RPGRIP1: variants seen among roughly 807,000 people sequenced by gnomAD.
The protein encoded by RPGRIP1 is RPGR interacting protein 1, also known as X-linked retinitis pigmentosa GTPase regulator-interacting protein 1.
Under a neutral mutation model 157.9 loss-of-function variants are expected in RPGRIP1, and 128 were observed. The observed-to-expected ratio is 0.81, with a 90% CI of 0.70 to 0.94. The LOEUF (loss-of-function observed/expected upper bound fraction) is 0.94. RPGRIP1 is among the 40% of genes least tolerant of loss of function. The pLI is 0.00. For synonymous variants in RPGRIP1, 554 were observed against 571.6 expected, an observed-to-expected ratio of 0.97 and a Z score of 0.44; for missense variants, 1,486 against 1,545.8, an observed-to-expected ratio of 0.96 and a Z score of 0.65.
intron 1 of RPGRIP1, among the ~76,000 whole-genome samples, chr14:21,283,210 C>T (rs1880192862): frequency 6.6e-6 from 1 of 152,148 alleles, no homozygotes; most frequent in Non-Finnish European, 1.5e-5. Flanking sequence ...GATGCAGTCA[C>T]CTTTCCTTTT....
intron 24 of RPGRIP1, among the ~76,000 whole-genome samples, chr14:21,348,880 C>T (rs1460733256): frequency 2.6e-5 from 4 of 151,822 alleles, no homozygotes; most frequent in East Asian, 1.9e-4. Flanking sequence ...AGACTGGTCT[C>T]GAACTCCTGA....
intron 17 of RPGRIP1, 45 bp from the exon 18 acceptor site, chr14:21,327,578 T>C: frequency 6.5e-7 from 1 of 1,535,552 alleles, no homozygotes; most frequent in East Asian, 2.2e-5. Context: ...GCTCACTTGC[T>C]TATTTCATGT....
intron 23 of RPGRIP1, among the ~76,000 whole-genome samples, chr14:21,346,093 G>A (rs967661922): frequency 1.3e-5 from 2 of 152,174 alleles, no homozygotes; most frequent in African/African-American, 4.8e-5. Flanking sequence ...TTACAGGCGT[G>A]AGTGACCACA....
At chr14:21,326,745 A>C (rs1318994158) in intron 17 of RPGRIP1, among the ~76,000 whole-genome samples, 2 of 152,116 alleles carry the variant, frequency 1.3e-5, no homozygotes, top group Non-Finnish European at 2.9e-5. Context: ...TTAGTGCATG[A>C]CTACATAGAT....
In RPGRIP1 at chr14:21,343,021, C is replaced by T. The variant is rs28664100; in HGVS notation, c.3340-15C>T. 14,683 of 1,604,446 alleles carry T rather than the reference C, an allele frequency of 9.2e-3. 1,170 individuals are homozygous for T. The African/African-American group carries it at 0.17, about 19-fold the overall frequency. On this transcript the variant is annotated splice_polypyrimidine_tract_variant and intron_variant, in intron 21 of 24. Transcript: ENST00000400017. ...CACTAACCTTTAGGAACTAAATAAA[C>T]ATTTTCCTTATCAGGATTCAGAGAA...
intron 3 of RPGRIP1, among the ~76,000 whole-genome samples, 172 bp downstream of exon 3, chr14:21,294,981 T>TTA (rs1880706956): frequency 6.6e-6 from 1 of 151,536 alleles, no homozygotes; most frequent in Non-Finnish European, 1.5e-5. Context: ...GTAGCTGGGA[T>TTA]TATAGGCATG....
At chr14:21,350,127 G>A (rs991581603) in intron 24 of RPGRIP1, among the ~76,000 whole-genome samples, 1 of 152,144 alleles carries the variant, frequency 6.6e-6, no homozygotes, top group South Asian at 2.1e-4. Context: ...TGTAATCCCA[G>A]CACTTTGGGA....
At chr14:21,311,349 C>T (rs577602408) in intron 8 of RPGRIP1, among the ~76,000 whole-genome samples, 19 of 152,206 alleles carry the variant, frequency 1.2e-4, no homozygotes, top group African/African-American at 4.3e-4. Context: ...GTCAGGAGTT[C>T]GAGACCAGCC....
intron 21 of RPGRIP1, among the ~76,000 whole-genome samples, chr14:21,335,071 A>AT (rs1300137371): frequency 1.3e-5 from 2 of 149,606 alleles, no homozygotes; most frequent in Non-Finnish European, 3.0e-5. Context: ...AAAAAAAAAA[A>AT]GCAATAATGA....
Position 21,327,762 on chromosome 14 carries a change from T to G in RPGRIP1, c.2850T>G (p.Ser950Arg). ...AQTKGKDTKD[S>R]SKISSEEEKA... Reference sequence around the variant, plus strand: ...CTAAGGGGAAGGATACCAAGGACAGTTCAAAGATCTCATCTGAAGAGGAAA... The same window carrying G: ...CTAAGGGGAAGGATACCAAGGACAGGTCAAAGATCTCATCTGAAGAGGAAA... Residue 950 changes from serine (S) to arginine (R), a missense_variant, in exon 18 of 25, where the codon AGT becomes AGG. Physicochemically the swap from Ser to Arg is moderately radical, Grantham distance 110 (BLOSUM62 -1). Coordinates refer to ENST00000400017, the MANE Select transcript of RPGRIP1 (RefSeq NM_020366.4). The G allele has an allele frequency of 6.2e-7, 1 of 1,611,812 alleles. No homozygotes were observed. The highest frequency in any genetic ancestry group is 1.1e-5 in the South Asian group (1 of 90,808).
At chr14:21,293,651 G>C (rs1187840415) in intron 2 of RPGRIP1, among the ~76,000 whole-genome samples, 2 of 152,134 alleles carry the variant, frequency 1.3e-5, no homozygotes, top group Non-Finnish European at 2.9e-5. Context: ...GGCCGAAGCG[G>C]GTGGATCACA....
chr14:21,343,303 A>G (rs1391197681), intron 22 of RPGRIP1, 75 bp downstream of exon 22: 2 of 1,166,930 alleles, frequency 1.7e-6, no homozygotes, highest in East Asian at 4.9e-5. Flanking sequence ...ATTACTCTGG[A>G]TTTTTGTGGG....
intron 22 of RPGRIP1, among the ~76,000 whole-genome samples, chr14:21,344,911 A>T (rs189698911): frequency 1.2e-4 from 19 of 152,246 alleles, no homozygotes; most frequent in Non-Finnish European, 2.2e-4. Context: ...ACGCCACTGC[A>T]CTCTAGCCTG....
At chr14:21,297,099 T>C (rs1325562779) in intron 3 of RPGRIP1, among the ~76,000 whole-genome samples, 1 of 152,092 alleles carries the variant, frequency 6.6e-6, no homozygotes, top group Non-Finnish European at 1.5e-5. Context: ...TTGTTTTGTT[T>C]TGTTTTGTTT....
chr14:21,348,344 T>A, intron 24 of RPGRIP1, 42 bp downstream of exon 24: 1 of 1,437,862 alleles, frequency 7.0e-7, no homozygotes, highest in Non-Finnish European at 9.4e-7. Flanking sequence ...TCCAAGGAAA[T>A]CATCCTAATA....
At chr14:21,347,392 G>A (rs188978780) in intron 23 of RPGRIP1, among the ~76,000 whole-genome samples, 4 of 152,292 alleles carry the variant, frequency 2.6e-5, no homozygotes, top group South Asian at 2.1e-4. Flanking sequence ...ATGCAAATTG[G>A]GATGAGGGAG....
rs761280426 is a variant in RPGRIP1, at chr14:21,334,590, C to G, written c.3239-15C>G. On this transcript the variant is annotated splice_polypyrimidine_tract_variant and intron_variant, in intron 20 of 24. Transcript: ENST00000400017. The stretch of plus-strand genomic sequence containing the variant: ...CTTTGAAACAGTTCTATAACTGCAA[C>G]CTCTTCTCTAGCAGACAAAGAATCC... The G allele has an allele frequency of 3.5e-5, 55 of 1,577,024 alleles. No homozygotes were observed. The Middle Eastern group carries it at 5.0e-4, about 14-fold the overall frequency.
intron 20 of RPGRIP1, among the ~76,000 whole-genome samples, chr14:21,330,656 G>A (rs1293649567): frequency 4.6e-5 from 7 of 152,034 alleles, no homozygotes; most frequent in South Asian, 2.1e-4. Flanking sequence ...GCGACAGAGC[G>A]AGACTCCATC....
chr14:21,307,724 TC>T lies in RPGRIP1; in HGVS notation c.801-6del. On this transcript the variant is annotated splice_polypyrimidine_tract_variant and splice_region_variant and intron_variant, in intron 6 of 24. Transcript: ENST00000400017. Reference sequence around the variant, plus strand: ...CAGACAGAATAATTTAGCGCCTTTCTCTGCAGAGCTTCCATTAAAGAGAAGG... The same window carrying T: ...CAGACAGAATAATTTAGCGCCTTTCTTGCAGAGCTTCCATTAAAGAGAAGG... 1 of 1,532,324 alleles carries T rather than the reference TC, an allele frequency of 6.5e-7. No homozygotes were observed. 94.9% of individuals were successfully genotyped at this position (1,532,324 alleles called of 1,614,324 possible).
Sources: allele counts gnomAD v4.1 joint callset (sites outside exome capture counted in the v4.1 genomes callset), GRCh38; gene constraint gnomAD v4.1.1; transcripts MANE v1.5; gene names NCBI Gene and HGNC (gene_info 2026-07-23, HGNC 2026-07-21).